Variants in SNTG1 observed in about 807,000 individuals in gnomAD.
The protein encoded by SNTG1 is syntrophin gamma 1.
Under a neutral mutation model 74.7 loss-of-function variants are expected in SNTG1, and 39 were observed. The ratio of observed to expected loss-of-function variants is 0.52; its 90% confidence interval spans 0.40 to 0.68. The LOEUF is 0.68. Among genes scored for constraint, SNTG1 ranks in the 30% least tolerant of loss-of-function variants. The pLI is 0.00. For synonymous variants in SNTG1, 254 were observed against 217.1 expected, an observed-to-expected ratio of 1.17 and a Z score of -1.49; for missense variants, 685 against 609.5, an observed-to-expected ratio of 1.12 and a Z score of -1.30.
At chr8:49,980,395 A>G (rs1475777643) in intron 1 of SNTG1, among the ~76,000 whole-genome samples, 1 of 151,902 alleles carries the variant, frequency 6.6e-6, no homozygotes, top group Non-Finnish European at 1.5e-5. Context: ...CCTGACTTGT[A>G]CATGCGCTTG....
intron 1 of SNTG1, among the ~76,000 whole-genome samples, chr8:50,139,523 A>T (rs1282311581): frequency 6.6e-6 from 1 of 152,184 alleles, no homozygotes; most frequent in African/African-American, 2.4e-5. Flanking sequence ...GTCTGCCAAC[A>T]TTCAACTTAG....
At chr8:50,693,806 G>A (rs1429454273) in intron 15 of SNTG1, among the ~76,000 whole-genome samples, 1 of 152,032 alleles carries the variant, frequency 6.6e-6, no homozygotes, top group Non-Finnish European at 1.5e-5. Flanking sequence ...TAACAGTAAG[G>A]ATTTTATAAA....
chr8:50,389,386 T>C (rs2092622802), intron 2 of SNTG1, among the ~76,000 whole-genome samples: 1 of 152,130 alleles, frequency 6.6e-6, no homozygotes, highest in African/African-American at 2.4e-5. Context: ...ACTTAATCGA[T>C]TGTATGACAT....
At chr8:49,975,148 C>A (rs999117857) in intron 1 of SNTG1, among the ~76,000 whole-genome samples, 1 of 152,140 alleles carries the variant, frequency 6.6e-6, no homozygotes, top group African/African-American at 2.4e-5. Context: ...TACTTAAAGA[C>A]ATATTTGGCG....
At position 50,173,294 on chromosome 8, in the gene SNTG1, G is replaced by T. The variant is rs11995916; in HGVS notation, c.-28+659G>T. Reference sequence around the variant, plus strand: ...AATCATACACTATTTGTTGGAAGGAGGTGAACGTGGCTAGAAAAGGTTAGG... The same window carrying T: ...AATCATACACTATTTGTTGGAAGGATGTGAACGTGGCTAGAAAAGGTTAGG... On this transcript the variant is annotated intron_variant, in intron 2 of 18. Coordinates refer to ENST00000642720, the MANE Select transcript of SNTG1 (RefSeq NM_018967.5). Among the ~76,000 whole-genome samples the T allele has an allele frequency of 8.1e-3, 1,238 of 152,308 alleles. 19 individuals carry two copies. Among genetic ancestry groups the T allele is most frequent in the African/African-American group, 0.029 (1,192 of 41,566 alleles).
intron 17 of SNTG1, among the ~76,000 whole-genome samples, chr8:50,719,882 T>C (rs1018131876): frequency 1.8e-4 from 27 of 152,228 alleles, no homozygotes; most frequent in Admixed American, 1.7e-3. Flanking sequence ...TTAATAGATT[T>C]CAAATAAATT....
At chr8:50,447,953 A>G (rs1439597196) in intron 5 of SNTG1, among the ~76,000 whole-genome samples, 2 of 152,198 alleles carry the variant, frequency 1.3e-5, no homozygotes, top group Admixed American at 1.3e-4. Flanking sequence ...GTGTTAGCAT[A>G]ATAGCCTTCC....
intron 1 of SNTG1, among the ~76,000 whole-genome samples, chr8:50,094,631 G>A (rs1273120557): frequency 6.6e-6 from 1 of 152,084 alleles, no homozygotes; most frequent in Non-Finnish European, 1.5e-5. Context: ...AATCAACAGT[G>A]AGATGCCTTC....
chr8:50,029,994 A>G (rs1456677199), intron 1 of SNTG1, among the ~76,000 whole-genome samples: 1 of 152,022 alleles, frequency 6.6e-6, no homozygotes, highest in Non-Finnish European at 1.5e-5. Flanking sequence ...CATTCTTGAC[A>G]TCCTCACCAG....
chr8:50,566,026 A>T (rs1020407073), intron 12 of SNTG1, among the ~76,000 whole-genome samples: 1 of 151,890 alleles, frequency 6.6e-6, no homozygotes, highest in Non-Finnish European at 1.5e-5. Flanking sequence ...ATATAAGTGA[A>T]TTTTTCATAA....
intron 1 of SNTG1, among the ~76,000 whole-genome samples, chr8:49,914,795 C>G (rs941184387): frequency 6.6e-6 from 1 of 152,136 alleles, no homozygotes; most frequent in Non-Finnish European, 1.5e-5. Context: ...AAGCAGCTAG[C>G]CTGCTTACTC....
At chr8:50,353,065 C>T (rs892474232) in intron 2 of SNTG1, among the ~76,000 whole-genome samples, 2 of 152,026 alleles carry the variant, frequency 1.3e-5, no homozygotes, top group African/African-American at 4.8e-5. Context: ...CCATGGAATA[C>T]TATGCAGCCA....
chr8:50,426,584 A>G (rs945147309), intron 4 of SNTG1, among the ~76,000 whole-genome samples: 3 of 151,958 alleles, frequency 2.0e-5, no homozygotes, highest in Non-Finnish European at 4.4e-5. Flanking sequence ...AAAGTTTTAT[A>G]AACTTTTTAC....
intron 8 of SNTG1, among the ~76,000 whole-genome samples, chr8:50,498,432 C>T (rs930236653): frequency 4.0e-5 from 6 of 151,694 alleles, no homozygotes; most frequent in African/African-American, 1.5e-4. Flanking sequence ...TAAGATTTTT[C>T]CTCATGTTTT....
chr8:50,476,011 C>T (rs565581281), intron 8 of SNTG1, among the ~76,000 whole-genome samples: 2 of 152,184 alleles, frequency 1.3e-5, no homozygotes, highest in South Asian at 4.1e-4. Flanking sequence ...GCTCCAGTCC[C>T]CCATGGACTT....
chr8:50,336,716 A>G (rs2091156463), intron 2 of SNTG1, among the ~76,000 whole-genome samples: 1 of 152,216 alleles, frequency 6.6e-6, no homozygotes, highest in Non-Finnish European at 1.5e-5. Flanking sequence ...CCTAATAAAT[A>G]ACAGATTTAT....
intron 13 of SNTG1, among the ~76,000 whole-genome samples, chr8:50,641,742 C>T (rs527842714): frequency 1.1e-4 from 17 of 152,266 alleles, no homozygotes; most frequent in Admixed American, 4.6e-4. Context: ...CACAGCTAGT[C>T]GCTTTCTTTT....
intron 1 of SNTG1, among the ~76,000 whole-genome samples, chr8:50,162,418 C>A (rs538442654): frequency 6.1e-4 from 92 of 151,926 alleles, no homozygotes; most frequent in African/African-American, 2.1e-3. Context: ...AAAAATTAGC[C>A]GGACGTGGAG....
At position 50,450,695 on chromosome 8, in the gene SNTG1, G is replaced by A. The variant is rs771143109; in HGVS notation, c.329G>A (p.Gly110Asp). 9.3e-6 allele frequency: 15 copies of A among 1,613,158 alleles called. No individual in the cohort carries two copies. The highest frequency in any genetic ancestry group is 1.2e-5 in the Non-Finnish European group (14 of 1,179,736). The stretch of plus-strand genomic sequence containing the variant: ...CTTTTCTTTTCATTGCAGATAAATG[G>A]CATTAATGTGAGAAAATGTAGACAT... ...FIGDAILQIN[G>D]INVRKCRHEE... Residue 110 changes from glycine to aspartate, a missense_variant, in exon 8 of 19, where the codon GGC becomes GAC. Physicochemically the swap from Gly to Asp is moderately conservative, Grantham distance 94. Transcript: ENST00000642720.
Sources: gnomAD v4.1 joint callset for allele counts (sites outside exome capture counted in the v4.1 genomes callset) on GRCh38, gnomAD v4.1.1 for gene constraint, MANE v1.5 for transcripts, NCBI Gene and HGNC (gene_info 2026-07-23, HGNC 2026-07-21) for gene names.